TMPRSS2: variants seen among roughly 807,000 people sequenced by gnomAD.
TMPRSS2 encodes the protein transmembrane serine protease 2, also known as transmembrane protease serine 2.
TMPRSS2 carries 59 observed loss-of-function variants against 67.4 expected under a neutral mutation model. The observed-to-expected ratio is 0.88, with a 90% CI of 0.71 to 1.09. The LOEUF (loss-of-function observed/expected upper bound fraction) is 1.09, where lower values mean the gene tolerates loss of function less well. Ranked by LOEUF, TMPRSS2 falls within the 50% of genes least tolerant of loss-of-function variation. TMPRSS2 has a pLI of 0.00. For synonymous variants in TMPRSS2, 257 were observed against 257.0 expected (o/e 1.00, Z 0.00); for missense variants, 668 against 642.7 (o/e 1.04, Z -0.43).
At chr21:41,471,609 T>C (rs1366842178) in intron 10 of TMPRSS2, among the ~76,000 whole-genome samples, 197 bp downstream of exon 10, 1 of 152,188 alleles carries the variant, frequency 6.6e-6, no homozygotes, top group Non-Finnish European at 1.5e-5. Context: ...ACAGAACAGA[T>C]GTGGTGGCTG....
Position 41,473,332 on chromosome 21 carries a change from C to A in TMPRSS2, c.892G>T (p.Val298Leu). Residue 298 changes from valine (V) to leucine (L), a missense_variant, in exon 9 of 14, where the codon GTG becomes TTG. Val to Leu is a conservative substitution (Grantham distance 32). Transcript: ENST00000332149. ...PEWIVTAAHC[V>L]EKPLNNPWHW... ...GCGCCGCCCCTGGCATACTTTTCCA[C>A]GCAGTGGGCGGCTGTCACGATCCAC... The A allele has an allele frequency of 6.3e-7, 1 of 1,597,684 alleles. No individual in the cohort carries two copies. Among genetic ancestry groups the A allele is most frequent in the East Asian group, 2.3e-5 (1 of 44,248 alleles).
At chr21:41,479,425 C>T (rs2091239967) in intron 6 of TMPRSS2, 143 bp from the exon 7 acceptor site, 1 of 638,102 alleles carries the variant, frequency 1.6e-6, no homozygotes, top group Admixed American at 2.9e-5. Context: ...CACGTTCTAA[C>T]CAAGTGCTAG....
In TMPRSS2 at chr21:41,471,112, C is replaced by A. The variant is rs568737536; in HGVS notation, c.1076-369G>T. Among the ~76,000 whole-genome samples, 15 of 152,322 alleles carry A rather than the reference C, an allele frequency of 9.8e-5. No individual in the cohort carries two copies. The South Asian group carries it at 2.3e-3, about 23-fold the overall frequency. On this transcript the variant is annotated intron_variant, in intron 10 of 13. Coordinates refer to ENST00000332149, the MANE Select transcript of TMPRSS2 (RefSeq NM_005656.4). ...TCGCCCCAGAGGCACCACGCCATTG[C>A]TCAGGCATTCGCTCTTCTATATGTG...
chr21:41,494,729 T>C (rs1486693457), intron 2 of TMPRSS2, 151 bp from the exon 3 acceptor site: 1 of 787,496 alleles, frequency 1.3e-6, no homozygotes, highest in South Asian at 1.5e-5. Flanking sequence ...ATCCTGTCTA[T>C]ACAACTTGTA....
intron 11 of TMPRSS2, among the ~76,000 whole-genome samples, chr21:41,469,007 C>A (rs1370760100): frequency 6.6e-6 from 1 of 152,164 alleles, no homozygotes; most frequent in Non-Finnish European, 1.5e-5. Flanking sequence ...CAAGACACGG[C>A]CTGCACTTGC....
chr21:41,470,905 C>T (rs2091127973), intron 10 of TMPRSS2, among the ~76,000 whole-genome samples, 162 bp from the exon 11 acceptor site: 1 of 152,226 alleles, frequency 6.6e-6, no homozygotes, highest in Admixed American at 6.5e-5. Context: ...CCCTGCCAGA[C>T]CTCTCCTTCT....
intron 9 of TMPRSS2, 131 bp from the exon 10 acceptor site, chr21:41,472,112 ATAGT>A: frequency 1.2e-6 from 1 of 860,666 alleles, no homozygotes; most frequent in East Asian, 2.6e-5. Context: ...ACACAGGGAG[ATAGT>A]GGAAGAGGTG....
At chr21:41,491,151 A>ATT (rs35598191) in intron 3 of TMPRSS2, among the ~76,000 whole-genome samples, 1,216 of 106,450 alleles carry the variant, frequency 0.011, 32 homozygotes, top group African/African-American at 0.02. Flanking sequence ...TCTGCATTGC[A>ATT]TTTTTTTTTT....
chr21:41,481,396 C>T (rs931747051), intron 5 of TMPRSS2, among the ~76,000 whole-genome samples: 1 of 152,124 alleles, frequency 6.6e-6, no homozygotes, highest in Non-Finnish European at 1.5e-5. Flanking sequence ...TGCATGATCC[C>T]GCTCACATGG....
chr21:41,472,998 G>A lies in TMPRSS2; in HGVS notation c.899+327C>T, dbSNP rs143097165. ...TCCTGGGACTAGCGTCCCGGAGACAGGATACCTCAGGGGGCAGGGGCTTTG... is the reference window on the plus strand; with the variant it reads ...TCCTGGGACTAGCGTCCCGGAGACAAGATACCTCAGGGGGCAGGGGCTTTG... On this transcript the variant is annotated intron_variant, in intron 9 of 13. Transcript: ENST00000332149. Among the ~76,000 whole-genome samples, 679 of 152,288 alleles carry A rather than the reference G, an allele frequency of 4.5e-3. 5 individuals are homozygous for A. The highest frequency in any genetic ancestry group is 0.015 in the African/African-American group (641 of 41,566).
intron 8 of TMPRSS2, among the ~76,000 whole-genome samples, chr21:41,476,214 A>T (rs886880267): frequency 1.3e-5 from 2 of 152,174 alleles, no homozygotes; most frequent in Non-Finnish European, 2.9e-5. Context: ...AGCCCCGCAG[A>T]TGCTCCAAGT....
At position 41,479,264 on chromosome 21, in the gene TMPRSS2, G is replaced by T; in HGVS notation, c.591C>A (p.Ser197Arg). 6.2e-7 allele frequency: 1 copy of T among 1,613,494 alleles called. No individual in the cohort carries two copies. Among genetic ancestry groups the T allele is most frequent in the South Asian group, 1.1e-5 (1 of 91,016 alleles). Reference protein sequence around the residue: ...DMGYKNNFYSSQGIVDDSGST... With the variant: ...DMGYKNNFYSRQGIVDDSGST... The stretch of plus-strand genomic sequence containing the variant: ...ATCCGCTGTCATCCACTATTCCTTG[G>T]CTAGAGTAAAAATTATTCCTAAAAA... The change falls in exon 7 of 14, where the codon AGC becomes AGA. Residue 197 changes from serine to arginine, a missense_variant. Coordinates refer to ENST00000332149, the MANE Select transcript of TMPRSS2 (RefSeq NM_005656.4).
intron 11 of TMPRSS2, 190 bp from the exon 12 acceptor site, chr21:41,468,728 CG>C: frequency 1.7e-6 from 1 of 595,120 alleles, no homozygotes; most frequent in Non-Finnish European, 2.9e-6. Context: ...TTACAACTGG[CG>C]GTGCCTGTGC....
At position 41,468,555 on chromosome 21, in the gene TMPRSS2, T is replaced by G; in HGVS notation, c.1172-17A>C. On this transcript the variant is annotated splice_polypyrimidine_tract_variant and intron_variant, in intron 11 of 13. Coordinates refer to ENST00000332149, the MANE Select transcript of TMPRSS2 (RefSeq NM_005656.4). ...AGGTCTTCCCTAAGGACAGGGAGAC[T>G]TGTTGAGCTCCCAGTGTTGCCTGCA... The G allele has an allele frequency of 1.2e-6, 2 of 1,613,504 alleles. No individual in the cohort carries two copies. Among genetic ancestry groups the G allele is most frequent in the Non-Finnish European group, 1.7e-6 (2 of 1,179,674 alleles).
At chr21:41,504,859 A>G (rs374886738) in intron 1 of TMPRSS2, among the ~76,000 whole-genome samples, 2 of 151,908 alleles carry the variant, frequency 1.3e-5, no homozygotes, top group Non-Finnish European at 2.9e-5. Flanking sequence ...ATGCTCCTGC[A>G]CCCCAATCCT....
chr21:41,467,869 A>G lies in TMPRSS2; in HGVS notation c.1332T>C (p.Pro444=). The change falls in exon 13 of 14, where the codon CCT becomes CCC. Residue 444 remains proline (P), a synonymous_variant. Transcript: ENST00000332149. ...VDSCQGDSGG[P]LVTSKNNIWW... ...AGATATTGTTCTTCGAAGTGACCAG[A>G]GGCCCTCCACTGTCACCCTGTGGGA... 1.2e-6 allele frequency: 2 copies of G among 1,614,226 alleles called. No individual in the cohort carries two copies. The highest frequency in any genetic ancestry group is 1.7e-6 in the Non-Finnish European group (2 of 1,180,046).
chr21:41,498,129 G>T lies in TMPRSS2; in HGVS notation c.5C>A (p.Ala2Asp). The stretch of plus-strand genomic sequence containing the variant: ...TAATTAACCACTTACTGAGTTCAAA[G>T]CCATCTTGCTGTTATCAACAGCATC... M[A>D]LNSGSPPAIG... Residue 2 changes from alanine (A) to aspartate (D), a missense_variant, in exon 2 of 14, where the codon GCT (alanine) becomes GAT (aspartate). Physicochemically the swap from Ala to Asp is moderately radical, Grantham distance 126 (BLOSUM62 -2). Coordinates refer to ENST00000332149, the MANE Select transcript of TMPRSS2 (RefSeq NM_005656.4). 1 of 1,611,366 alleles carries T rather than the reference G, an allele frequency of 6.2e-7. No individual in the cohort carries two copies. The highest frequency in any genetic ancestry group is 8.5e-7 in the Non-Finnish European group (1 of 1,177,846).
At chr21:41,498,258 G>T (rs1379158715) in intron 1 of TMPRSS2, 69 bp from the exon 2 acceptor site, 2 of 1,060,538 alleles carry the variant, frequency 1.9e-6, no homozygotes, top group Non-Finnish European at 2.8e-6. Flanking sequence ...AATCTGGAAA[G>T]AACTAGAAGA....
intron 2 of TMPRSS2, among the ~76,000 whole-genome samples, chr21:41,496,564 A>C (rs1445937646): frequency 6.6e-6 from 1 of 152,164 alleles, no homozygotes; most frequent in Non-Finnish European, 1.5e-5. Flanking sequence ...TCCATCCTTC[A>C]GCTGGTGCCT....
Sources: allele counts gnomAD v4.1 joint callset (sites outside exome capture counted in the v4.1 genomes callset), GRCh38; gene constraint gnomAD v4.1.1; transcripts MANE v1.5; gene names NCBI Gene and HGNC (gene_info 2026-07-23, HGNC 2026-07-21).